The following AR variants were observed in gnomAD, a reference collection of about 807,000 sequenced individuals.
AR encodes androgen receptor.
Under a neutral mutation model 53.9 loss-of-function variants are expected in AR, and 8 were observed. That is an observed-to-expected ratio of 0.15 (90% CI 0.09 to 0.27). The LOEUF (loss-of-function observed/expected upper bound fraction) is 0.27. AR is among the 10% of genes least tolerant of loss of function. The probability of loss-of-function intolerance (pLI) is 1.00; values close to 1 mark genes in which losing one functional copy is unlikely to be tolerated. For missense variants in AR, 639 were observed against 742.5 expected (o/e 0.86, Z 1.62); for synonymous variants, 359 against 316.4 (o/e 1.13, Z -1.43).
At chrX:67,601,368 G>A (rs1238097151) in intron 1 of AR, among the ~76,000 whole-genome samples, 1 of 111,637 alleles carries the variant, frequency 9.0e-6, no homozygotes, top group Non-Finnish European at 1.9e-5. Context: ...GTCTCCCAAG[G>A]AGAGTTGTAA....
intron 1 of AR, among the ~76,000 whole-genome samples, chrX:67,599,867 G>T (rs1411428174): frequency 9.0e-6 from 1 of 111,662 alleles, no homozygotes; most frequent in East Asian, 2.8e-4. Flanking sequence ...AATAAATTAT[G>T]ATATGCGCAT....
intron 4 of AR, among the ~76,000 whole-genome samples, chrX:67,716,043 G>A (rs771150339): frequency 8.9e-6 from 1 of 111,763 alleles, no homozygotes; most frequent in East Asian, 2.8e-4. Flanking sequence ...CTTAAGGGAG[G>A]TAATTTGGAG....
chrX:67,693,118 G>A (rs899049295), intron 3 of AR, among the ~76,000 whole-genome samples: 1 of 112,810 alleles, frequency 8.9e-6, no homozygotes, highest in Non-Finnish European at 1.9e-5. Context: ...TGGTTAGAGC[G>A]AAGTAAATTT....
Position 67,546,510 on chromosome X carries a change from G to T in AR, c.1364G>T (p.Gly455Val). 2.0e-6 allele frequency: 2 copies of T among 985,448 alleles called. No individual in the cohort carries two copies. Among genetic ancestry groups the T allele is most frequent in the Non-Finnish European group, 2.6e-6 (2 of 779,847 alleles). The allele number at this position is 985,448 out of a possible 1,213,427, so 81.2% of individuals were successfully genotyped here. The change falls in exon 1 of 8, where the codon GGT (glycine) becomes GTT (valine). Residue 455 changes from glycine (G) to valine (V), a missense_variant. Physicochemically the swap from Gly to Val is moderately radical, Grantham distance 109. Coordinates refer to ENST00000374690, the MANE Select transcript of AR (RefSeq NM_000044.6). Reference sequence around the variant, plus strand: ...TATGGACCGTGTGGTGGTGGTGGGGGTGGTGGCGGCGGCGGCGGCGGCGGC... The same window carrying T: ...TATGGACCGTGTGGTGGTGGTGGGGTTGGTGGCGGCGGCGGCGGCGGCGGC... ...QLYGPCGGGG[G>V]GGGGGGGGGG...
In AR at chrX:67,643,363, T is replaced by C; in HGVS notation, c.1724T>C (p.Leu575Pro). The C allele has an allele frequency of 8.3e-7, 1 of 1,211,377 alleles. No individual in the cohort carries two copies. The highest frequency in any genetic ancestry group is 1.1e-6 in the Non-Finnish European group (1 of 895,275). The change falls in exon 2 of 8, where the codon CTC (leucine) becomes CCC (proline). Residue 575 changes from leucine to proline, a missense_variant. This residue lies in a region of AR where 19 missense variants were observed against 48.3 expected (regional missense o/e 0.39). Transcript: ENST00000374690. ...DEASGCHYGA[L>P]TCGSCKVFFK... ...GCTTCTGGGTGTCACTATGGAGCTC[T>C]CACATGTGGAAGCTGCAAGGTCTTC...
At chrX:67,640,341 G>A (rs1485637569) in intron 1 of AR, among the ~76,000 whole-genome samples, 1 of 111,229 alleles carries the variant, frequency 9.0e-6, no homozygotes, top group African/African-American at 3.3e-5. Context: ...CATAAAATGA[G>A]TTAGGGAGGA....
intron 4 of AR, among the ~76,000 whole-genome samples, chrX:67,715,961 G>C (rs779172980): frequency 8.9e-6 from 1 of 111,953 alleles, no homozygotes; most frequent in East Asian, 2.8e-4. Context: ...AAAACTCCAG[G>C]AGAACATGGC....
At chrX:67,705,660 T>A (rs1228757862) in intron 3 of AR, among the ~76,000 whole-genome samples, 1 of 111,729 alleles carries the variant, frequency 9.0e-6, no homozygotes, top group Non-Finnish European at 1.9e-5. Context: ...CTGATTGTCC[T>A]AGCCAGAACT....
At chrX:67,547,078 G>T (rs1168716297) in intron 1 of AR, among the ~76,000 whole-genome samples, 1 of 111,078 alleles carries the variant, frequency 9.0e-6, no homozygotes, top group Non-Finnish European at 1.9e-5. Flanking sequence ...GCCACCTTCA[G>T]AGATAAAGCT....
intron 1 of AR, among the ~76,000 whole-genome samples, chrX:67,588,899 G>A (rs1255050338): frequency 8.9e-5 from 10 of 111,987 alleles, no homozygotes; most frequent in Admixed American, 6.6e-4. Context: ...AATTCTGGAA[G>A]TGAAACTACA....
chrX:67,615,320 T>C (rs1284415939), intron 1 of AR, among the ~76,000 whole-genome samples: 5 of 110,336 alleles, frequency 4.5e-5, no homozygotes, highest in Non-Finnish European at 9.5e-5. Flanking sequence ...AAAGAGAAAA[T>C]TTTGAAATTA....
intron 1 of AR, among the ~76,000 whole-genome samples, chrX:67,601,231 T>A (rs1328598054): frequency 8.9e-6 from 1 of 112,116 alleles, no homozygotes; most frequent in East Asian, 2.8e-4. Flanking sequence ...TTCAGCCAGA[T>A]CATTATGAAA....
intron 2 of AR, among the ~76,000 whole-genome samples, chrX:67,683,077 T>G (rs2075945443): frequency 8.9e-6 from 1 of 112,120 alleles, no homozygotes; most frequent in Admixed American, 9.5e-5. Context: ...ATCCAGTGTG[T>G]GGGTGTTGTA....
At chrX:67,660,370 C>T (rs1926828008) in intron 2 of AR, among the ~76,000 whole-genome samples, 1 of 111,475 alleles carries the variant, frequency 9.0e-6, no homozygotes, top group African/African-American at 3.3e-5. Context: ...GTCTTTAATC[C>T]ATCTTGAATT....
intron 1 of AR, among the ~76,000 whole-genome samples, chrX:67,596,279 C>G (rs957986028): frequency 1.5e-4 from 16 of 107,772 alleles, no homozygotes; most frequent in Non-Finnish European, 2.7e-4. Flanking sequence ...CTCAAGTATT[C>G]TTTATAGCAA....
At chrX:67,647,863 A>G (rs1379729816) in intron 2 of AR, among the ~76,000 whole-genome samples, 1 of 112,241 alleles carries the variant, frequency 8.9e-6, no homozygotes, top group Non-Finnish European at 1.9e-5. Context: ...CTGTGTTCCA[A>G]TAAAACTTTA....
intron 4 of AR, among the ~76,000 whole-genome samples, chrX:67,712,251 T>C (rs2076096971): frequency 8.9e-6 from 1 of 112,195 alleles, no homozygotes; most frequent in Admixed American, 9.4e-5. Flanking sequence ...ATCTGTATAA[T>C]GTATAAAGCG....
Position 67,711,365 on chromosome X carries a change from C to CTGA in AR, c.1886-32_1886-30dup, listed in dbSNP as rs752446184. On this transcript the variant is annotated intron_variant, in intron 3 of 7. Transcript: ENST00000374690. The stretch of plus-strand genomic sequence containing the variant: ...TAGTTGCATTGTGTGTTTTTGACCA[C>CTGA]TGATGATAAATTCAAGTCTCTCTTC... 68 of 1,166,438 alleles carry CTGA rather than the reference C, an allele frequency of 5.8e-5. 2 individuals carry two copies. In the South Asian group the frequency reaches 1.3e-3, roughly 22 times the overall value.
intron 1 of AR, among the ~76,000 whole-genome samples, chrX:67,615,412 A>G (rs1924072848): frequency 1.8e-5 from 2 of 111,269 alleles, no homozygotes; most frequent in African/African-American, 6.5e-5. Context: ...AGGCAGTGCA[A>G]TCCCATATTC....
Sources: gnomAD v4.1 joint callset for allele counts (sites outside exome capture counted in the v4.1 genomes callset) on GRCh38, gnomAD v4.1.1 for gene constraint, gnomAD v4.1.1 regional missense constraint, MANE v1.5 for transcripts, NCBI Gene and HGNC (gene_info 2026-07-23, HGNC 2026-07-21) for gene names.